Variants in DLC1 observed in about 807,000 individuals in gnomAD.
The protein encoded by DLC1 is rho GTPase-activating protein 7.
In DLC1, 54 loss-of-function variants were observed where a neutral mutation model predicts 140.3. The observed-to-expected ratio is 0.38, with a 90% CI of 0.31 to 0.48. The LOEUF (loss-of-function observed/expected upper bound fraction) is 0.48. Ranked by LOEUF, DLC1 falls within the 20% of genes least tolerant of loss-of-function variation. The pLI is 0.96. For missense variants in DLC1, 2,536 were observed against 1,907.0 expected, an observed-to-expected ratio of 1.33 and a Z score of -6.14; for synonymous variants, 986 against 728.1, an observed-to-expected ratio of 1.35 and a Z score of -5.70.
intron 1 of DLC1, among the ~76,000 whole-genome samples, chr8:13,582,067 C>G (rs544208107): frequency 2.0e-5 from 3 of 152,144 alleles, no homozygotes; most frequent in South Asian, 4.1e-4. Context: ...AAAACAAAGT[C>G]CACTCTCCCT....
intron 2 of DLC1, among the ~76,000 whole-genome samples, chr8:13,447,277 A>T (rs561775971): frequency 6.6e-6 from 1 of 152,206 alleles, no homozygotes; most frequent in Admixed American, 6.5e-5. Flanking sequence ...GATTTTTACT[A>T]AATATTTTTT....
At chr8:13,221,913 A>G (rs1311815612) in intron 5 of DLC1, among the ~76,000 whole-genome samples, 1 of 135,796 alleles carries the variant, frequency 7.4e-6, no homozygotes, top group African/African-American at 3.2e-5. Context: ...AATATATATT[A>G]GTATATAAAA....
At chr8:13,390,810 A>T (rs1836721689) in intron 4 of DLC1, among the ~76,000 whole-genome samples, 1 of 152,100 alleles carries the variant, frequency 6.6e-6, no homozygotes, top group Non-Finnish European at 1.5e-5. Flanking sequence ...ACACAGTGAA[A>T]CCGTCTCTCT....
At chr8:13,109,813 A>G (rs920607706) in intron 7 of DLC1, among the ~76,000 whole-genome samples, 1 of 151,934 alleles carries the variant, frequency 6.6e-6, no homozygotes, top group Non-Finnish European at 1.5e-5. Context: ...TGAACCTGGG[A>G]GGCGGAGGTT....
chr8:13,219,426 A>G (rs1179513113), intron 5 of DLC1, among the ~76,000 whole-genome samples: 18 of 143,018 alleles, frequency 1.3e-4, no homozygotes, highest in Non-Finnish European at 3.0e-5. Context: ...AATTATACTT[A>G]TATAATTATA....
chr8:13,272,431 ACT>A (rs1260194620), intron 5 of DLC1, among the ~76,000 whole-genome samples: 1 of 152,030 alleles, frequency 6.6e-6, no homozygotes, highest in African/African-American at 2.4e-5. Context: ...ACAGAGTGAA[ACT>A]CTGTCTCAGC....
Position 13,305,291 on chromosome 8 carries a change from A to G in DLC1, c.1326T>C (p.Gly442=), listed in dbSNP as rs758690468. The G allele has an allele frequency of 6.2e-7, 1 of 1,606,692 alleles. No individual in the cohort carries two copies. The highest frequency in any genetic ancestry group is 2.2e-5 in the East Asian group (1 of 44,702). ...GTKPKTTAIQ[G]ISEKEKAEIE... is the part of the protein sequence containing the mutation. ...TACCAGCCTTTTCCTTCTCTGAAAT[A>G]CCTTGAATAGCCTGAAAAAAAAGAC... Residue 442 remains glycine, a synonymous_variant, in exon 5 of 18, where the codon GGT becomes GGC. Transcript: ENST00000276297.
At chr8:13,103,417 C>A (rs891747759) in intron 7 of DLC1, among the ~76,000 whole-genome samples, 1 of 151,912 alleles carries the variant, frequency 6.6e-6, no homozygotes, top group Non-Finnish European at 1.5e-5. Context: ...TGAAATGGCA[C>A]ACAGCTATGA....
intron 2 of DLC1, among the ~76,000 whole-genome samples, chr8:13,472,785 A>G (rs1486860158): frequency 6.6e-6 from 1 of 152,226 alleles, no homozygotes; most frequent in Non-Finnish European, 1.5e-5. Flanking sequence ...TGTTATAACC[A>G]CTAATCATTT....
At chr8:13,575,051 A>G (rs147079189) in intron 1 of DLC1, among the ~76,000 whole-genome samples, 1 of 152,234 alleles carries the variant, frequency 6.6e-6, no homozygotes, top group African/African-American at 2.4e-5. Context: ...AAATGAAAAC[A>G]TAGTTGAATT....
intron 1 of DLC1, among the ~76,000 whole-genome samples, chr8:13,545,671 A>G (rs959294923): frequency 6.6e-6 from 1 of 152,168 alleles, no homozygotes; most frequent in African/African-American, 2.4e-5. Flanking sequence ...ATAATGACAA[A>G]GTATTGAATT....
intron 1 of DLC1, among the ~76,000 whole-genome samples, chr8:13,572,099 T>A (rs987060289): frequency 7.3e-6 from 1 of 136,696 alleles, no homozygotes; most frequent in African/African-American, 2.8e-5. Context: ...TTATTTATTT[T>A]TTTTTTTTGA....
chr8:13,487,420 A>G (rs1026050940), intron 2 of DLC1, among the ~76,000 whole-genome samples: 1 of 152,154 alleles, frequency 6.6e-6, no homozygotes, highest in South Asian at 2.1e-4. Flanking sequence ...AATTTATACA[A>G]TAATGGTAAA....
intron 5 of DLC1, among the ~76,000 whole-genome samples, chr8:13,259,275 CAA>C (rs1830386479): frequency 6.6e-6 from 1 of 151,958 alleles, no homozygotes; most frequent in South Asian, 2.1e-4. Context: ...CCATCCAACA[CAA>C]TAAATTATAA....
At chr8:13,145,928 G>A (rs915514901) in intron 5 of DLC1, among the ~76,000 whole-genome samples, 1 of 152,110 alleles carries the variant, frequency 6.6e-6, no homozygotes, top group African/African-American at 2.4e-5. Context: ...TCATTGCGTG[G>A]TGGGTTAATG....
chr8:13,582,362 C>G lies in DLC1; in HGVS notation c.-126+22175G>C, dbSNP rs574374451. On this transcript the variant is annotated intron_variant, in intron 1 of 1. Coordinates refer to the DLC1 transcript ENST00000631382. ...GGATCAAAGGATGCAAAGTATTAAT[C>G]CTGGGTGTGTCTGTGAGGGTGTTGC... 1.4e-3 allele frequency among the ~76,000 whole-genome samples: 209 copies of G among 152,152 alleles called. 1 individual carries two copies. The highest frequency in any genetic ancestry group is 4.8e-3 in the African/African-American group (198 of 41,514).
chr8:13,496,910 C>T (rs1259088939), intron 2 of DLC1, among the ~76,000 whole-genome samples: 2 of 150,588 alleles, frequency 1.3e-5, no homozygotes, highest in Non-Finnish European at 2.9e-5. Context: ...ATGCCATTCT[C>T]CTGCCTCAGC....
intron 1 of DLC1, among the ~76,000 whole-genome samples, chr8:13,524,313 T>C (rs959564246): frequency 2.0e-5 from 3 of 151,832 alleles, no homozygotes; most frequent in African/African-American, 4.8e-5. Flanking sequence ...AATTTTTGTA[T>C]TTTTAGTAGA....
At chr8:13,424,114 G>A (rs1287302325) in intron 2 of DLC1, among the ~76,000 whole-genome samples, 2 of 152,140 alleles carry the variant, frequency 1.3e-5, no homozygotes, top group Non-Finnish European at 2.9e-5. Context: ...CAGCAACAGT[G>A]TTCTGGCAGA....
Sources: gnomAD v4.1 joint callset for allele counts (sites outside exome capture counted in the v4.1 genomes callset) on GRCh38, gnomAD v4.1.1 for gene constraint, MANE v1.5 for transcripts, NCBI Gene and HGNC (gene_info 2026-07-23, HGNC 2026-07-21) for gene names.